OPA3: variants seen among roughly 807,000 people sequenced by gnomAD.
OPA3 encodes the protein outer mitochondrial membrane lipid metabolism regulator OPA3.
OPA3 carries 6 observed loss-of-function variants against 4.0 expected under a neutral mutation model. The ratio of observed to expected loss-of-function variants is 1.51; its 90% CI spans 0.83 to 2.99. OPA3 has a LOEUF of 2.99. Among genes scored for constraint, OPA3 ranks in the 30% most tolerant of loss-of-function variants. The probability of loss-of-function intolerance (pLI) is 0.00; values close to 1 mark genes in which losing one functional copy is unlikely to be tolerated. For missense variants in OPA3, 235 were observed against 256.2 expected (o/e 0.92, Z 0.56); for synonymous variants, 105 against 117.1 (o/e 0.90, Z 0.67).
At chr19:45,560,087 C>G (rs1969481823) in intron 1 of OPA3, among the ~76,000 whole-genome samples, 1 of 152,118 alleles carries the variant, frequency 6.6e-6, no homozygotes, top group Non-Finnish European at 1.5e-5. Flanking sequence ...GAATTTTATT[C>G]CTGGAAGTAC....
chr19:45,564,176 G>T (rs370795357), intron 1 of OPA3, among the ~76,000 whole-genome samples: 2 of 144,800 alleles, frequency 1.4e-5, no homozygotes, highest in Admixed American at 1.4e-4. Context: ...GGGGTGGGGG[G>T]GTTGGGAGGG....
intron 1 of OPA3, among the ~76,000 whole-genome samples, chr19:45,534,541 C>G (rs1239868201): frequency 2.6e-5 from 2 of 78,422 alleles, no homozygotes; most frequent in Non-Finnish European, 4.5e-5. Flanking sequence ...AGCCTGGTGA[C>G]AAGAGCAAAA....
intron 1 of OPA3, among the ~76,000 whole-genome samples, chr19:45,573,888 T>A (rs561097505): frequency 1.3e-5 from 2 of 152,040 alleles, no homozygotes; most frequent in Non-Finnish European, 2.9e-5. Context: ...TCCGGCTGGG[T>A]GCGGTGGCTC....
At chr19:45,584,266 C>T in intron 1 of OPA3, 1 of 890,490 alleles carries the variant, frequency 1.1e-6, no homozygotes, top group Non-Finnish European at 1.3e-6. Flanking sequence ...CAAAGGACCC[C>T]GTCCGGTTTC....
intron 1 of OPA3, among the ~76,000 whole-genome samples, chr19:45,537,632 C>T (rs1056126398): frequency 6.6e-6 from 1 of 151,076 alleles, no homozygotes; most frequent in African/African-American, 2.4e-5. Context: ...TTTTTCTTTT[C>T]TTTTATTTTC....
rs775509581 is a variant in OPA3 at position 45,553,483 on chromosome 19, T to C, written c.*31A>G. ...AAGGCCACGTTAGGTACATAGGCCA[T>C]GTCCAAATTCAGGTTCCATCCAGCA... On this transcript the variant is annotated 3_prime_UTR_variant, in exon 2 of 2. Coordinates refer to ENST00000263275, the MANE Select transcript of OPA3 (RefSeq NM_025136.4). 3.1e-6 allele frequency: 5 copies of C among 1,611,558 alleles called. No individual in the cohort carries two copies.
In OPA3 at chr19:45,546,288, T is replaced by C. The variant is rs1229136433; in HGVS notation, c.*7226A>G. ...TAAACCGGGCTGCAAATATTAAGGGTAATTATTTAATGAAACTTTCATTCC... is the reference window on the plus strand; with the variant it reads ...TAAACCGGGCTGCAAATATTAAGGGCAATTATTTAATGAAACTTTCATTCC... On this transcript the variant is annotated 3_prime_UTR_variant, in exon 2 of 2. Coordinates refer to ENST00000263275, the MANE Select transcript of OPA3 (RefSeq NM_025136.4). The C allele has an allele frequency of 2.0e-6, 1 of 500,550 alleles. No individual in the cohort carries two copies. Among genetic ancestry groups the C allele is most frequent in the Admixed American group, 6.4e-5 (1 of 15,564 alleles). 31.0% of individuals were successfully genotyped at this position (500,550 alleles called of 1,614,324 possible). A position where few individuals can be genotyped will look rare whatever the true frequency, so the allele number is the denominator to read the frequency against.
intron 1 of OPA3, among the ~76,000 whole-genome samples, chr19:45,569,019 A>C (rs1969623387): frequency 1.3e-5 from 2 of 152,256 alleles, no homozygotes; most frequent in South Asian, 4.1e-4. Context: ...TGAGTGAATG[A>C]ATTACTCAGC....
At chr19:45,527,960 C>G (rs1043287822) in exon 2 of OPA3, 5 of 152,346 alleles carry the variant, frequency 3.3e-5, no homozygotes, top group Non-Finnish European at 5.9e-5. Flanking sequence ...TGGAGGAGGC[C>G]TTTGCGTGAA....
At chr19:45,562,343 CAAAAA>C (rs1218744939) in intron 1 of OPA3, among the ~76,000 whole-genome samples, 1 of 69,538 alleles carries the variant, frequency 1.4e-5, no homozygotes, top group African/African-American at 5.6e-5. Context: ...GACTCCATCT[CAAAAA>C]AAAAAAAAAA....
intron 1 of OPA3, among the ~76,000 whole-genome samples, chr19:45,558,030 G>A (rs1969446729): frequency 6.6e-6 from 1 of 152,152 alleles, no homozygotes; most frequent in Admixed American, 6.5e-5. Flanking sequence ...AGAAGGAATT[G>A]GTGAGAAGAA....
downstream of OPA3, among the ~76,000 whole-genome samples, chr19:45,541,363 AG>A (rs1218180777): frequency 6.6e-6 from 1 of 152,024 alleles, no homozygotes; most frequent in Non-Finnish European, 1.5e-5. Flanking sequence ...CCTGTACTAT[AG>A]GGGGGTCTGG....
chr19:45,557,547 T>C (rs1257237414), intron 1 of OPA3, among the ~76,000 whole-genome samples: 1 of 152,082 alleles, frequency 6.6e-6, no homozygotes, highest in African/African-American at 2.4e-5. Context: ...GCCCCACACC[T>C]GTCCCCTGGC....
At chr19:45,544,270 G>A (rs1010060794), downstream of OPA3, among the ~76,000 whole-genome samples, 2 of 152,168 alleles carry the variant, frequency 1.3e-5, no homozygotes, top group African/African-American at 4.8e-5. Flanking sequence ...CCTATTCATA[G>A]CCACCACGCG....
chr19:45,553,406 A>G lies in OPA3; in HGVS notation c.*108T>C. The G allele has an allele frequency of 6.3e-7, 1 of 1,594,016 alleles. No homozygotes were observed. Among genetic ancestry groups the G allele is most frequent in the Non-Finnish European group, 8.5e-7 (1 of 1,176,638 alleles). ...GGGTAACCAAATGCCAAGTTGCATC[A>G]AGATCCTGGTGGTTTCCACTGGGCC... On this transcript the variant is annotated 3_prime_UTR_variant, in exon 2 of 2. Transcript: ENST00000263275.
At chr19:45,576,132 AG>A (rs2122505031) in intron 1 of OPA3, among the ~76,000 whole-genome samples, 1 of 152,250 alleles carries the variant, frequency 6.6e-6, no homozygotes, top group East Asian at 1.9e-4. Flanking sequence ...CCAAGGCAGG[AG>A]AATCGCTTGA....
rs1429783721 is a variant in OPA3, at chr19:45,550,139, G to A, written c.*3375C>T. 12 of 902,556 alleles carry A rather than the reference G, an allele frequency of 1.3e-5. No individual in the cohort carries two copies. The highest frequency in any genetic ancestry group is 5.1e-5 in the South Asian group (1 of 19,558). The allele number at this position is 902,556 out of a possible 1,614,324, so 55.9% of individuals were successfully genotyped here. A position where few individuals can be genotyped will look rare whatever the true frequency, so the allele number is the denominator to read the frequency against. On this transcript the variant is annotated 3_prime_UTR_variant, in exon 2 of 2. Coordinates refer to ENST00000263275, the MANE Select transcript of OPA3 (RefSeq NM_025136.4). ...CACCACTGCACTCCGTCAGGGTGAC[G>A]GAGCTAGACTGTCTCCGAAAGAAAA...
intron 1 of OPA3, among the ~76,000 whole-genome samples, chr19:45,536,444 AG>A (rs969220153): frequency 6.6e-6 from 1 of 151,478 alleles, no homozygotes; most frequent in African/African-American, 2.4e-5. Context: ...GCTACTAGGG[AG>A]GCTGAGGCAG....
In OPA3 at chr19:45,551,717, G is replaced by C; in HGVS notation, c.*1797C>G. Reference sequence around the variant, plus strand: ...ATCAAGCAGTTAAGGCCAACTGCTGGCCTAATTGGTAGGATGGGGGTGGGA... The same window carrying C: ...ATCAAGCAGTTAAGGCCAACTGCTGCCCTAATTGGTAGGATGGGGGTGGGA... On this transcript the variant is annotated 3_prime_UTR_variant, in exon 2 of 2. Transcript: ENST00000263275. The C allele has an allele frequency of 2.0e-6, 2 of 985,484 alleles. No individual in the cohort carries two copies. The highest frequency in any genetic ancestry group is 2.4e-6 in the Non-Finnish European group (2 of 829,956). 61.0% of individuals were successfully genotyped at this position (985,484 alleles called of 1,614,324 possible).
Sources: allele counts gnomAD v4.1 joint callset (sites outside exome capture counted in the v4.1 genomes callset), GRCh38; gene constraint gnomAD v4.1.1; transcripts MANE v1.5; gene names NCBI Gene and HGNC (gene_info 2026-07-23, HGNC 2026-07-21).